MYO7B: variants seen among roughly 807,000 people sequenced by gnomAD.
MYO7B encodes unconventional myosin-VIIb.
A neutral mutation model predicts 259.7 loss-of-function variants in MYO7B; 212 were observed. That is an observed-to-expected ratio of 0.82 (90% CI 0.73 to 0.91). The LOEUF is 0.91. MYO7B is among the 40% of genes least tolerant of loss of function. The pLI is 0.00. For missense variants in MYO7B, 2,732 were observed against 2,813.5 expected (o/e 0.97, Z 0.66); for synonymous variants, 1,197 against 1,166.4 (o/e 1.03, Z -0.54).
At chr2:127,617,807 A>C (rs550399958) in intron 26 of MYO7B, among the ~76,000 whole-genome samples, 245 of 150,524 alleles carry the variant, frequency 1.6e-3, no homozygotes, top group Non-Finnish European at 2.8e-3. Context: ...CGGCCTTGTA[A>C]CGGGGTTTCT....
At chr2:127,634,903 G>A in intron 42 of MYO7B, 6 of 638,130 alleles carry the variant, frequency 9.4e-6, no homozygotes, top group South Asian at 9.3e-5. Context: ...AGGGCTGAGG[G>A]GCATGACCCT....
At chr2:127,583,471 C>T (rs946547247) in intron 12 of MYO7B, among the ~76,000 whole-genome samples, 2 of 152,148 alleles carry the variant, frequency 1.3e-5, no homozygotes, top group South Asian at 4.1e-4. Flanking sequence ...AAGTGTGATT[C>T]CGATTATTGG....
At chr2:127,630,171 C>A (rs1404810633) in intron 35 of MYO7B, among the ~76,000 whole-genome samples, 1 of 152,206 alleles carries the variant, frequency 6.6e-6, no homozygotes, top group Admixed American at 6.5e-5. Flanking sequence ...GCCCCCAAGA[C>A]CAGCCTCTCC....
intron 34 of MYO7B, among the ~76,000 whole-genome samples, chr2:127,629,243 C>T (rs189361936): frequency 5.1e-4 from 78 of 152,276 alleles, no homozygotes; most frequent in East Asian, 1.5e-3. Context: ...TCACGGCCAC[C>T]GCAGGAGGGA....
intron 4 of MYO7B, among the ~76,000 whole-genome samples, 191 bp from the exon 5 acceptor site, chr2:127,566,450 CCA>C (rs1376683543): frequency 1.3e-5 from 2 of 152,218 alleles, no homozygotes; most frequent in Non-Finnish European, 2.9e-5. Context: ...GGTGGATATC[CCA>C]TCTTCCCAGA....
Position 127,631,607 on chromosome 2 carries a change from C to A in MYO7B, c.5103C>A (p.Leu1701=), listed in dbSNP as rs1681513298. Residue 1701 remains leucine, a synonymous_variant, in exon 38 of 48, where the codon CTC becomes CTA. Coordinates refer to ENST00000409816, the MANE Select transcript of MYO7B (RefSeq NM_001393586.1). The stretch of plus-strand genomic sequence containing the variant: ...GCTCCTTGACAGCCACACCCATCCT[C>A]CGGTACATGGGCGACTACCCTTCTC... The part of the protein sequence containing the change: ...DIACQIFVAI[L]RYMGDYPSRQ... 1 of 1,612,948 alleles carries A rather than the reference C, an allele frequency of 6.2e-7. No homozygotes were observed. Among genetic ancestry groups the A allele is most frequent in the Non-Finnish European group, 8.5e-7 (1 of 1,179,778 alleles).
At position 127,578,161 on chromosome 2, in the gene MYO7B, A is replaced by AG. The variant is rs1678953133; in HGVS notation, c.878_879insG (p.Asn293LysfsTer101). 1 of 1,613,654 alleles carries AG rather than the reference A, an allele frequency of 6.2e-7. No homozygotes were observed. Among genetic ancestry groups the AG allele is most frequent in the Admixed American group, 1.7e-5 (1 of 59,992 alleles). On this transcript the variant is annotated frameshift_variant, in exon 9 of 48. Transcript: ENST00000409816. LOFTEE classifies it high-confidence loss of function. ...AACTGCACTTCCTGTGAGGGGCTCA[A>AG]CGACGCCAAGGACTACGCCCACATC... is the stretch of plus-strand genomic sequence containing the variant.
At position 127,609,990 on chromosome 2, in the gene MYO7B, G is replaced by A; in HGVS notation, c.3166G>A (p.Val1056Ile). 1 of 1,609,376 alleles carries A rather than the reference G, an allele frequency of 6.2e-7. No individual in the cohort carries two copies. Among genetic ancestry groups the A allele is most frequent in the Non-Finnish European group, 8.5e-7 (1 of 1,178,070 alleles). ...DTLGREHGAQ[V>I]PQHSRSAQRS... Reference sequence around the variant, plus strand: ...GCTGGGCAGGGAGCACGGTGCCCAGGTTCCACAGCACAGTAGATCTGCACA... The same window carrying A: ...GCTGGGCAGGGAGCACGGTGCCCAGATTCCACAGCACAGTAGATCTGCACA... The change falls in exon 24 of 48, where the codon GTT becomes ATT. Residue 1056 changes from valine (V) to isoleucine (I), a missense_variant. Physicochemically the swap from Val to Ile is conservative, Grantham distance 29. Transcript: ENST00000409816. This position sits in a 1 kb window ranked among gnomAD's most constrained non-coding sequence, Gnocchi z 6.9.
At chr2:127,569,713 G>A in intron 5 of MYO7B, 76 bp from the exon 6 acceptor site, 4 of 1,526,786 alleles carry the variant, frequency 2.6e-6, no homozygotes, top group Non-Finnish European at 3.5e-6. Context: ...CAGGACTGGG[G>A]TTTGCAGGAG....
rs1257288275 is a variant in MYO7B at position 127,615,609 on chromosome 2, C to G, written c.3398+3006C>G. The stretch of plus-strand genomic sequence containing the variant: ...GTGCCCTGTAGATAATCACAAGAAA[C>G]ACTTGTGCCTGGGTCGTGACTGCCC... On this transcript the variant is annotated intron_variant, in intron 26 of 47. Transcript: ENST00000409816. This position sits in a 1 kb window ranked among gnomAD's most constrained non-coding sequence, Gnocchi z 4.4. 6.6e-6 allele frequency among the ~76,000 whole-genome samples: 1 copy of G among 152,036 alleles called. No individual in the cohort carries two copies. Among genetic ancestry groups the G allele is most frequent in the Non-Finnish European group, 1.5e-5 (1 of 68,010 alleles).
intron 30 of MYO7B, among the ~76,000 whole-genome samples, chr2:127,625,015 C>A (rs935285945): frequency 6.6e-6 from 1 of 152,158 alleles, no homozygotes; most frequent in African/African-American, 2.4e-5. Context: ...CAGCTGGGCC[C>A]CAGCAGAAAC....
At chr2:127,624,407 A>G in intron 30 of MYO7B, 87 bp downstream of exon 30, 4 of 1,246,996 alleles carry the variant, frequency 3.2e-6, no homozygotes, top group Non-Finnish European at 4.4e-6. Context: ...TTCTGAGGCC[A>G]GGTAGAAGGT....
Position 127,581,897 on chromosome 2 carries a change from C to T in MYO7B, c.1087C>T (p.His363Tyr), listed in dbSNP as rs763554687. Residue 363 changes from histidine (H) to tyrosine (Y), a missense_variant, in exon 11 of 48, where the codon CAC becomes TAC. This residue lies in a region of MYO7B where 1,906 missense variants were observed against 2,026.4 expected (regional missense o/e 0.94). Transcript: ENST00000409816. ...CCCCCACCTGCCTCCCCAGGTGCAGCACCAGGAGCTCCGGGACTGTCTGAT... is the reference window on the plus strand; with the variant it reads ...CCCCCACCTGCCTCCCCAGGTGCAGTACCAGGAGCTCCGGGACTGTCTGAT... ...PTVMKLLEVQHQELRDCLIKH... is the reference protein window; with the variant it reads ...PTVMKLLEVQYQELRDCLIKH... 5 of 1,613,788 alleles carry T rather than the reference C, an allele frequency of 3.1e-6. No homozygotes were observed. Among genetic ancestry groups the T allele is most frequent in the Middle Eastern group, 1.6e-4 (1 of 6,062 alleles).
rs747709120 is a variant in MYO7B, at chr2:127,628,065, AG to A, written c.4461-306del. The A allele has an allele frequency of 1.7e-6, 1 of 572,200 alleles. No individual in the cohort carries two copies. Among genetic ancestry groups the A allele is most frequent in the South Asian group, 1.5e-5 (1 of 65,626 alleles). 35.4% of individuals were successfully genotyped at this position (572,200 alleles called of 1,614,324 possible). ...AGAGTAAGCACATGGCAGAGCCGGCAGCTCATCTCAGCTCTGACCTTTGCAG... is the reference window on the plus strand; with the variant it reads ...AGAGTAAGCACATGGCAGAGCCGGCACTCATCTCAGCTCTGACCTTTGCAG... On this transcript the variant is annotated intron_variant, in intron 33 of 47. Transcript: ENST00000409816. This position sits in a 1 kb window ranked among gnomAD's most constrained non-coding sequence, Gnocchi z 4.8.
intron 40 of MYO7B, among the ~76,000 whole-genome samples, chr2:127,633,913 C>G (rs1450509483): frequency 6.6e-6 from 1 of 152,216 alleles, no homozygotes; most frequent in Non-Finnish European, 1.5e-5. Flanking sequence ...GTCCCGGTAA[C>G]AGGAAGTTCC....
chr2:127,560,226 A>G (rs1397105458), intron 2 of MYO7B, among the ~76,000 whole-genome samples: 1 of 151,940 alleles, frequency 6.6e-6, no homozygotes, highest in Non-Finnish European at 1.5e-5. Context: ...GGGTTTTGCC[A>G]TGTTGCCCAG....
chr2:127,593,176 A>C (rs1289453540), intron 17 of MYO7B, among the ~76,000 whole-genome samples: 1 of 152,186 alleles, frequency 6.6e-6, no homozygotes, highest in Non-Finnish European at 1.5e-5. Context: ...TGGCGGCCGC[A>C]GCGGTTCCTT....
rs947022497 is a variant in MYO7B, at chr2:127,614,015, C to T, written c.3398+1412C>T. 1.6e-4 allele frequency among the ~76,000 whole-genome samples: 25 copies of T among 152,204 alleles called. No individual in the cohort carries two copies. The highest frequency in any genetic ancestry group is 1.9e-4 in the Non-Finnish European group (13 of 68,032). ...TCTTCAAGCCAGTAAGACTACAGGGCTTCTCAAGTTTTAGCTGCCTGCATG... is the reference window on the plus strand; with the variant it reads ...TCTTCAAGCCAGTAAGACTACAGGGTTTCTCAAGTTTTAGCTGCCTGCATG... On this transcript the variant is annotated intron_variant, in intron 26 of 47. Transcript: ENST00000409816. This position sits in a 1 kb window ranked among gnomAD's most constrained non-coding sequence, Gnocchi z 4.6.
At chr2:127,540,173 T>TA (rs1300710915) in intron 1 of MYO7B, among the ~76,000 whole-genome samples, 4 of 152,008 alleles carry the variant, frequency 2.6e-5, no homozygotes, top group African/African-American at 4.8e-5. Flanking sequence ...GGTTTTATTT[T>TA]TTTTTTTTGA....
Sources: gnomAD v4.1 joint callset for allele counts (sites outside exome capture counted in the v4.1 genomes callset) on GRCh38, gnomAD v4.1.1 for gene constraint, gnomAD v4.1.1 regional missense constraint, Gnocchi (gnomAD v3.1) non-coding constraint, MANE v1.5 for transcripts, NCBI Gene and HGNC (gene_info 2026-07-23, HGNC 2026-07-21) for gene names.